Variants in KIF26B observed in about 807,000 individuals in gnomAD.
The protein encoded by KIF26B is kinesin family member 26B, also known as kinesin-like protein KIF26B.
KIF26B carries 63 observed loss-of-function variants against 151.2 expected under a neutral mutation model. The ratio of observed to expected loss-of-function variants is 0.42; its 90% CI spans 0.34 to 0.51. The LOEUF (loss-of-function observed/expected upper bound fraction) is 0.51. Ranked by LOEUF, KIF26B falls within the 20% of genes least tolerant of loss-of-function variation. KIF26B has a pLI of 0.07. For missense variants in KIF26B, 2,813 were observed against 2,913.6 expected, an observed-to-expected ratio of 0.97 and a Z score of 0.79; for synonymous variants, 1,357 against 1,262.1, an observed-to-expected ratio of 1.08 and a Z score of -1.59.
chr1:245,169,128 G>A (rs900331406), intron 2 of KIF26B, among the ~76,000 whole-genome samples: 4 of 151,970 alleles, frequency 2.6e-5, no homozygotes, highest in African/African-American at 9.7e-5. Context: ...ACCACTTGGT[G>A]CCCCTCCCTC....
chr1:245,327,007 C>T (rs1672003958), intron 2 of KIF26B, among the ~76,000 whole-genome samples: 1 of 152,166 alleles, frequency 6.6e-6, no homozygotes, highest in South Asian at 2.1e-4. Flanking sequence ...TACTCCTTAC[C>T]ATCTGAAGAA....
intron 2 of KIF26B, among the ~76,000 whole-genome samples, chr1:245,217,265 AG>A (rs574614623): frequency 3.3e-4 from 50 of 152,344 alleles, no homozygotes; most frequent in African/African-American, 1.1e-3. Flanking sequence ...CGCCGTATTG[AG>A]GAGAGAAGCT....
chr1:245,333,323 AAG>A (rs1672150738), intron 2 of KIF26B, among the ~76,000 whole-genome samples: 2 of 152,232 alleles, frequency 1.3e-5, no homozygotes, highest in African/African-American at 4.8e-5. Context: ...ACATGATGTT[AAG>A]TCGAATCAGC....
rs182636334 is a variant in KIF26B at position 245,261,358 on chromosome 1, C to T, written c.465+104675C>T. Reference sequence around the variant, plus strand: ...GTTGGTCAGGCTGGTCTCGAACTCCCGACCTCAGGTGATCCGCCCACCTTG... The same window carrying T: ...GTTGGTCAGGCTGGTCTCGAACTCCTGACCTCAGGTGATCCGCCCACCTTG... On this transcript the variant is annotated intron_variant, in intron 2 of 14. Transcript: ENST00000407071. Among the ~76,000 whole-genome samples the T allele has an allele frequency of 9.8e-3, 1,497 of 151,980 alleles. 28 individuals are homozygous for T. The highest frequency in any genetic ancestry group is 0.034 in the African/African-American group (1,404 of 41,458).
At chr1:245,479,635 G>A (rs145724687) in intron 4 of KIF26B, among the ~76,000 whole-genome samples, 2,345 of 152,000 alleles carry the variant, frequency 0.015, 70 homozygotes, top group Middle Eastern at 0.051. Context: ...TACAGAGAAT[G>A]TAGTTTGACA....
chr1:245,498,049 A>G (rs1660547530), intron 4 of KIF26B, among the ~76,000 whole-genome samples: 1 of 152,192 alleles, frequency 6.6e-6, no homozygotes, highest in Non-Finnish European at 1.5e-5. Context: ...CTCAAACTCC[A>G]TATGTAACTT....
Position 245,698,985 on chromosome 1 carries a change from G to A in KIF26B, c.6126G>A (p.Leu2042=), listed in dbSNP as rs372830662. Residue 2042 remains leucine, a synonymous_variant, in exon 14 of 15, where the codon CTG becomes CTA. Transcript: ENST00000407071. This position sits in a 1 kb window ranked among gnomAD's most constrained non-coding sequence, Gnocchi z 4.0. ...AGTACGAGTGGCTGATGAAGGAGCT[G>A]GAGGCGACCAAACAGTATCTGATGC... ...RAKYEWLMKE[L]EATKQYLMLD... The A allele has an allele frequency of 1.1e-5, 18 of 1,614,036 alleles. No homozygotes were observed. The highest frequency in any genetic ancestry group is 1.5e-5 in the Non-Finnish European group (18 of 1,179,898).
intron 4 of KIF26B, among the ~76,000 whole-genome samples, chr1:245,476,531 C>T (rs35011222): frequency 0.22 from 18,619 of 84,942 alleles, 1,647 homozygotes; most frequent in African/African-American, 0.31. Flanking sequence ...TATTTATTTA[C>T]TTACTTACTT....
At chr1:245,700,308 TC>T (rs1458293185) in intron 14 of KIF26B, among the ~76,000 whole-genome samples, 2 of 152,180 alleles carry the variant, frequency 1.3e-5, no homozygotes, top group Non-Finnish European at 2.9e-5. Flanking sequence ...TTCCCGTTGG[TC>T]CTCTTGGTGC....
intron 2 of KIF26B, among the ~76,000 whole-genome samples, chr1:245,283,795 C>T (rs1020288410): frequency 6.6e-6 from 1 of 151,494 alleles, no homozygotes; most frequent in Non-Finnish European, 1.5e-5. Context: ...TCAAGCGATT[C>T]TCCTGCCTCA....
At chr1:245,236,063 G>C (rs3008470) in intron 2 of KIF26B, among the ~76,000 whole-genome samples, 147,328 of 152,050 alleles carry the variant, frequency 0.97, 71,504 homozygotes, top group East Asian at 1. Flanking sequence ...CCGAGTAGCT[G>C]GGACTACAGG....
In KIF26B at chr1:245,606,959, G is replaced by A. The variant is rs563442486; in HGVS notation, c.1558-692G>A. Among the ~76,000 whole-genome samples, 9 of 151,734 alleles carry A rather than the reference G, an allele frequency of 5.9e-5. No homozygotes were observed. In the East Asian group the frequency reaches 7.8e-4, roughly 13 times the overall value. On this transcript the variant is annotated intron_variant, in intron 6 of 14. Coordinates refer to ENST00000407071, the MANE Select transcript of KIF26B (RefSeq NM_018012.4). The surrounding 1 kb of genome is among the most constrained non-coding windows in gnomAD (Gnocchi z 4.6). ...CACATGCCTGTAATCCCAGCTACTC[G>A]GGAGGCTGAGGCAAGAGAATCACTT...
intron 4 of KIF26B, among the ~76,000 whole-genome samples, chr1:245,421,989 A>G (rs1658500188): frequency 6.6e-6 from 1 of 152,108 alleles, no homozygotes; most frequent in African/African-American, 2.4e-5. Flanking sequence ...CCCAAAATGT[A>G]TGGGCCAGTG....
At chr1:245,584,585 T>G (rs932246699) in intron 5 of KIF26B, among the ~76,000 whole-genome samples, 10 of 152,198 alleles carry the variant, frequency 6.6e-5, no homozygotes, top group Non-Finnish European at 1.3e-4. Context: ...TCCTTTAATT[T>G]TGGCTTCCTA....
chr1:245,364,715 C>G (rs534930913), intron 2 of KIF26B, among the ~76,000 whole-genome samples: 1 of 152,130 alleles, frequency 6.6e-6, no homozygotes, highest in East Asian at 1.9e-4. Flanking sequence ...CCACCGCGCC[C>G]GGCTGAAATG....
intron 9 of KIF26B, among the ~76,000 whole-genome samples, chr1:245,623,992 G>T (rs150236614): frequency 1.3e-5 from 2 of 152,212 alleles, no homozygotes; most frequent in East Asian, 3.9e-4. Flanking sequence ...TCATGAGGAT[G>T]GATGTCCCCC....
intron 2 of KIF26B, among the ~76,000 whole-genome samples, chr1:245,162,317 G>A (rs1558329548): frequency 6.7e-6 from 1 of 149,456 alleles, no homozygotes; most frequent in Admixed American, 6.6e-5. Flanking sequence ...AAGGAGCACT[G>A]TTGAGAATGT....
At chr1:245,529,814 C>T (rs906481553) in intron 4 of KIF26B, among the ~76,000 whole-genome samples, 5 of 152,094 alleles carry the variant, frequency 3.3e-5, no homozygotes, top group Admixed American at 6.6e-5. Flanking sequence ...AAAGCAAAAA[C>T]GGACAAATGG....
At chr1:245,573,306 G>A (rs981260552) in intron 5 of KIF26B, among the ~76,000 whole-genome samples, 5 of 152,128 alleles carry the variant, frequency 3.3e-5, no homozygotes, top group African/African-American at 1.2e-4. Context: ...GGTGGATCAC[G>A]AGGTCAGGAG....
Sources: gnomAD v4.1 joint callset for allele counts (sites outside exome capture counted in the v4.1 genomes callset) on GRCh38, gnomAD v4.1.1 for gene constraint, Gnocchi (gnomAD v3.1) non-coding constraint, MANE v1.5 for transcripts, NCBI Gene and HGNC (gene_info 2026-07-23, HGNC 2026-07-21) for gene names.